The following PLCB1 variants were observed in gnomAD, a reference collection of about 807,000 sequenced individuals.
PLCB1 encodes 1-phosphatidylinositol 4,5-bisphosphate phosphodiesterase beta-1.
A neutral mutation model predicts 161.8 loss-of-function variants in PLCB1; 46 were observed. The observed-to-expected ratio is 0.28, with a 90% CI of 0.22 to 0.36. The LOEUF is 0.36. PLCB1 is among the 10% of genes least tolerant of loss of function. The pLI, the probability that PLCB1 is intolerant of heterozygous loss-of-function variation, is 1.00. For missense variants in PLCB1, 1,016 were observed against 1,472.5 expected (o/e 0.69, Z 5.07); for synonymous variants, 517 against 503.7 (o/e 1.03, Z -0.35).
At chr20:8,629,819 T>C (rs1988478933) in intron 4 of PLCB1, among the ~76,000 whole-genome samples, 1 of 79,354 alleles carries the variant, frequency 1.3e-5, no homozygotes, top group Non-Finnish European at 2.6e-5. Flanking sequence ...TTTCTTTCTT[T>C]TCTTTCTTTC....
intron 3 of PLCB1, among the ~76,000 whole-genome samples, chr20:8,500,042 T>C (rs1983339723): frequency 6.6e-6 from 1 of 152,180 alleles, no homozygotes; most frequent in Non-Finnish European, 1.5e-5. Context: ...AGATTACATA[T>C]TTTTCTGGTT....
chr20:8,160,967 A>G (rs2051615691), intron 2 of PLCB1, among the ~76,000 whole-genome samples: 2 of 152,150 alleles, frequency 1.3e-5, no homozygotes, highest in Non-Finnish European at 2.9e-5. Flanking sequence ...GGTACCTATT[A>G]TAAATAAGTT....
chr20:8,821,473 G>A (rs1453553134), intron 31 of PLCB1, among the ~76,000 whole-genome samples: 6 of 69,548 alleles, frequency 8.6e-5, no homozygotes, highest in African/African-American at 4.0e-4. Flanking sequence ...GCAAGATTCC[G>A]TCTCAAAAAA....
intron 3 of PLCB1, among the ~76,000 whole-genome samples, chr20:8,583,475 A>G (rs1042549854): frequency 1.3e-5 from 2 of 152,252 alleles, no homozygotes; most frequent in South Asian, 2.1e-4. Flanking sequence ...CTCTGCTTCA[A>G]GGGAATCTAA....
intron 3 of PLCB1, among the ~76,000 whole-genome samples, chr20:8,474,660 C>T (rs17362447): frequency 0.25 from 37,585 of 151,940 alleles, 4,963 homozygotes; most frequent in Non-Finnish European, 0.3. Context: ...TGCTCTAGCA[C>T]CAGAAGTGTA....
chr20:8,820,910 G>A (rs895254270), intron 31 of PLCB1, among the ~76,000 whole-genome samples: 1 of 151,854 alleles, frequency 6.6e-6, no homozygotes, highest in East Asian at 1.9e-4. Flanking sequence ...AATCCAATAA[G>A]TTTAAAAGCA....
chr20:8,300,505 T>C (rs1983852938), intron 2 of PLCB1, among the ~76,000 whole-genome samples: 1 of 152,126 alleles, frequency 6.6e-6, no homozygotes, highest in Non-Finnish European at 1.5e-5. Context: ...ACAGCACCCT[T>C]TCTATGACTC....
chr20:8,200,403 T>G (rs1359119000), intron 2 of PLCB1, among the ~76,000 whole-genome samples: 1 of 152,110 alleles, frequency 6.6e-6, no homozygotes, highest in Non-Finnish European at 1.5e-5. Flanking sequence ...ATACCTCTTT[T>G]GTTATAGAAA....
intron 23 of PLCB1, among the ~76,000 whole-genome samples, chr20:8,752,792 CA>C (rs1327859746): frequency 0.033 from 2,887 of 87,234 alleles, 19 homozygotes; most frequent in Middle Eastern, 0.078. Flanking sequence ...GACTCCATCT[CA>C]AAAAAAAAAA....
Position 8,276,501 on chromosome 20 carries a change from G to C in PLCB1, c.178-94881G>C, listed in dbSNP as rs569762531. On this transcript the variant is annotated intron_variant, in intron 2 of 31. Coordinates refer to ENST00000338037, the MANE Select transcript of PLCB1 (RefSeq NM_015192.4). ...TTAATACATATTATCTGTGGCTGCT[G>C]CTCCTTTCATTGTTATGTCATACAA... Among the ~76,000 whole-genome samples the C allele has an allele frequency of 9.2e-5, 14 of 152,240 alleles. No individual in the cohort carries two copies. The South Asian group carries it at 1.5e-3, about 16-fold the overall frequency.
At chr20:8,674,606 C>T (rs1449211222) in intron 9 of PLCB1, among the ~76,000 whole-genome samples, 1 of 152,160 alleles carries the variant, frequency 6.6e-6, no homozygotes, top group Non-Finnish European at 1.5e-5. Context: ...GACACTTCTG[C>T]TTCAATAGGT....
At position 8,286,911 on chromosome 20, in the gene PLCB1, G is replaced by A. The variant is rs541827365; in HGVS notation, c.178-84471G>A. On this transcript the variant is annotated intron_variant, in intron 2 of 31. Coordinates refer to ENST00000338037, the MANE Select transcript of PLCB1 (RefSeq NM_015192.4). ...TGGACAGGGTGAAAATTCTCATACTGTAGAAATTATCAGTGGACTTTTGTC... is the reference window on the plus strand; with the variant it reads ...TGGACAGGGTGAAAATTCTCATACTATAGAAATTATCAGTGGACTTTTGTC... 5.9e-5 allele frequency among the ~76,000 whole-genome samples: 9 copies of A among 152,214 alleles called. No homozygotes were observed. The East Asian group carries it at 1.4e-3, about 23-fold the overall frequency.
chr20:8,449,953 T>G (rs1197831579), intron 3 of PLCB1, among the ~76,000 whole-genome samples: 1 of 152,192 alleles, frequency 6.6e-6, no homozygotes, highest in African/African-American at 2.4e-5. Context: ...CTAGGCGTAT[T>G]TGGGAATATT....
chr20:8,545,116 G>A (rs774055143), intron 3 of PLCB1, among the ~76,000 whole-genome samples: 1 of 152,146 alleles, frequency 6.6e-6, no homozygotes, highest in Non-Finnish European at 1.5e-5. Context: ...AAAAATTAAC[G>A]CAATGGAGTT....
At chr20:8,409,406 A>T (rs1263318809) in intron 3 of PLCB1, among the ~76,000 whole-genome samples, 1 of 151,866 alleles carries the variant, frequency 6.6e-6, no homozygotes, top group African/African-American at 2.4e-5. Flanking sequence ...ATCTCTGAGG[A>T]CCGACAAGGA....
At chr20:8,752,042 C>T (rs1981505780) in intron 23 of PLCB1, 1 of 152,040 alleles carries the variant, frequency 6.6e-6, no homozygotes, top group East Asian at 1.9e-4. Flanking sequence ...CCTATAGGTG[C>T]TTTTTTTCAT....
chr20:8,773,832 G>A (rs952980536), intron 26 of PLCB1, among the ~76,000 whole-genome samples: 9 of 152,130 alleles, frequency 5.9e-5, no homozygotes, highest in Non-Finnish European at 8.8e-5. Context: ...AAATTAGCCA[G>A]GTATGGTGGC....
intron 9 of PLCB1, among the ~76,000 whole-genome samples, chr20:8,662,027 A>ATTATTTATTATATAATTATATATAATTAT (rs1336591367): frequency 1.3e-3 from 45 of 34,874 alleles, no homozygotes; most frequent in African/African-American, 3.8e-3. Context: ...ATAATATACA[A>ATTATTTATTATATAATTATATATAATTAT]TTATTTATTA....
At chr20:8,145,206 G>A (rs894698231) in intron 1 of PLCB1, among the ~76,000 whole-genome samples, 6 of 152,122 alleles carry the variant, frequency 3.9e-5, no homozygotes, top group African/African-American at 1.4e-4. Context: ...CAGGCCTCTC[G>A]TCTTGGCTGG....
Sources: gnomAD v4.1 joint callset for allele counts (sites outside exome capture counted in the v4.1 genomes callset) on GRCh38, gnomAD v4.1.1 for gene constraint, MANE v1.5 for transcripts, NCBI Gene and HGNC (gene_info 2026-07-23, HGNC 2026-07-21) for gene names.